SLC30A6: variants seen among roughly 807,000 people sequenced by gnomAD.
SLC30A6 encodes the protein zinc transporter 6.
A neutral mutation model predicts 63.0 loss-of-function variants in SLC30A6; 55 were observed. The ratio of observed to expected loss-of-function variants is 0.87; its 90% CI spans 0.70 to 1.09. SLC30A6 has a LOEUF of 1.09. Among genes scored for constraint, SLC30A6 ranks in the 50% least tolerant of loss-of-function variants. SLC30A6 has a pLI of 0.00. For synonymous variants in SLC30A6, 224 were observed against 186.1 expected (o/e 1.20, Z -1.66); for missense variants, 587 against 549.2 (o/e 1.07, Z -0.69).
intron 4 of SLC30A6, among the ~76,000 whole-genome samples, chr2:32,178,338 A>C (rs1355055968): frequency 6.6e-6 from 1 of 152,020 alleles, no homozygotes; most frequent in Non-Finnish European, 1.5e-5. Flanking sequence ...TTTGTTGAAA[A>C]GACTACTTTC....
At position 32,220,258 on chromosome 2, in the gene SLC30A6, A is replaced by G; in HGVS notation, c.931A>G (p.Met311Val). 6.2e-7 allele frequency: 1 copy of G among 1,614,160 alleles called. No individual in the cohort carries two copies. Among genetic ancestry groups the G allele is most frequent in the Non-Finnish European group, 8.5e-7 (1 of 1,180,002 alleles). ...AATTCGACGAGATGCCAATGAACAA[A>G]TGGTTCTTGCTCATGTGACCAACAG... The part of the protein sequence containing the change: ...VRIRRDANEQ[M>V]VLAHVTNRLY... Residue 311 changes from methionine to valine, a missense_variant, in exon 14 of 14, where the codon ATG (methionine) becomes GTG (valine). By Grantham distance (21) the Met-to-Val change is conservative. Transcript: ENST00000282587.
intron 5 of SLC30A6, among the ~76,000 whole-genome samples, chr2:32,190,187 G>T (rs533040842): frequency 6.6e-6 from 1 of 152,190 alleles, no homozygotes; most frequent in South Asian, 2.1e-4. Flanking sequence ...GGCCGGGCGC[G>T]GTGGCTCACG....
chr2:32,209,542 C>T lies in SLC30A6; in HGVS notation c.866C>T (p.Thr289Ile), dbSNP rs1243735120. ...VLEVRNEHFWTLGFGSLAGSV... is the reference protein window; with the variant it reads ...VLEVRNEHFWILGFGSLAGSV... ...GAAGTCCGAAATGAACATTTTTGGA[C>T]CCTAGGTTTTGGCTCATTGGTATGT... The change falls in exon 13 of 14, where the codon ACC (threonine) becomes ATC (isoleucine). Residue 289 changes from threonine to isoleucine, a missense_variant. Thr to Ile is a moderately conservative substitution (Grantham distance 89). Transcript: ENST00000282587. The T allele has an allele frequency of 1.2e-6, 2 of 1,612,472 alleles. No individual in the cohort carries two copies. Among genetic ancestry groups the T allele is most frequent in the East Asian group, 4.5e-5 (2 of 44,784 alleles).
chr2:32,201,888 CA>C, intron 10 of SLC30A6: 4 of 1,467,736 alleles, frequency 2.7e-6, no homozygotes. Context: ...TGGATGCTCC[CA>C]AGACCAAAAA....
At chr2:32,185,210 A>G (rs1682700736) in intron 5 of SLC30A6, among the ~76,000 whole-genome samples, 2 of 152,140 alleles carry the variant, frequency 1.3e-5, no homozygotes, top group Admixed American at 1.3e-4. Flanking sequence ...AAATGTTTTT[A>G]ATTAGCTGCA....
intron 1 of SLC30A6, among the ~76,000 whole-genome samples, chr2:32,168,482 G>A (rs1190715242): frequency 6.6e-6 from 1 of 150,892 alleles, no homozygotes; most frequent in East Asian, 1.9e-4. Flanking sequence ...AAGGAAAATA[G>A]CCCTTGTCAT....
At chr2:32,208,759 C>G (rs1429512141) in intron 12 of SLC30A6, among the ~76,000 whole-genome samples, 1 of 152,152 alleles carries the variant, frequency 6.6e-6, no homozygotes, top group Non-Finnish European at 1.5e-5. Context: ...AGTGATCTGC[C>G]TACCTCAGCC....
At position 32,221,967 on chromosome 2, in the gene SLC30A6, T is replaced by C. The variant is rs1401229780; in HGVS notation, c.*1254T>C. The C allele has an allele frequency of 6.6e-6, 1 of 152,162 alleles. No individual in the cohort carries two copies. The highest frequency in any genetic ancestry group is 1.5e-5 in the Non-Finnish European group (1 of 68,024). The allele number at this position is 152,162 out of a possible 1,614,324, so 9.4% of individuals were successfully genotyped here. ...ATGGAGTTCCATACATAATATGGAA[T>C]TTGATGTCTTTTCAAGTTGCACAAA... is the stretch of plus-strand genomic sequence containing the variant. On this transcript the variant is annotated 3_prime_UTR_variant, in exon 14 of 14. Coordinates refer to ENST00000282587, the MANE Select transcript of SLC30A6 (RefSeq NM_017964.5).
Position 32,222,402 on chromosome 2 carries a change from T to C in SLC30A6, c.*1689T>C, listed in dbSNP as rs115969447. On this transcript the variant is annotated 3_prime_UTR_variant, in exon 14 of 14. Coordinates refer to ENST00000282587, the MANE Select transcript of SLC30A6 (RefSeq NM_017964.5). Reference sequence around the variant, plus strand: ...AGCTATCTAGAGAAGATTTTTGTTTTTCTTTTGCAACAGTTTCTTCAGTCA... The same window carrying C: ...AGCTATCTAGAGAAGATTTTTGTTTCTCTTTTGCAACAGTTTCTTCAGTCA... 297 of 152,322 alleles carry C rather than the reference T, an allele frequency of 1.9e-3. No homozygotes were observed. Among genetic ancestry groups the C allele is most frequent in the African/African-American group, 6.9e-3 (286 of 41,574 alleles). 9.4% of individuals were successfully genotyped at this position (152,322 alleles called of 1,614,324 possible). A position where few individuals can be genotyped will look rare whatever the true frequency, so the allele number is the denominator to read the frequency against.
intron 10 of SLC30A6, chr2:32,202,872 G>T (rs2148878788): frequency 1.1e-6 from 1 of 924,598 alleles, no homozygotes; most frequent in Middle Eastern, 3.2e-4. Context: ...GACTCAAAAG[G>T]CTGCAGCTTC....
At chr2:32,213,608 GT>G (rs1263803750) in intron 13 of SLC30A6, among the ~76,000 whole-genome samples, 2 of 151,886 alleles carry the variant, frequency 1.3e-5, no homozygotes, top group Admixed American at 1.3e-4. Flanking sequence ...TACTTTCTTT[GT>G]TTTAATGGAA....
In SLC30A6 at chr2:32,203,848, A is replaced by C. The variant is rs567402705; in HGVS notation, c.666-742A>C. On this transcript the variant is annotated intron_variant, in intron 10 of 13. Transcript: ENST00000282587. The stretch of plus-strand genomic sequence containing the variant: ...TTCCAGACAGAGGAGTGGTTGGTCA[A>C]GTGGCCAGTCGGGCCGATCAGGTGG... 358 of 1,326,148 alleles carry C rather than the reference A, an allele frequency of 2.7e-4. 2 individuals carry two copies. The African/African-American group carries it at 3.0e-3, about 11-fold the overall frequency. 82.1% of individuals were successfully genotyped at this position (1,326,148 alleles called of 1,614,324 possible).
rs538039640 is a variant in SLC30A6, at chr2:32,214,421, ATT to A, written c.885+4861_885+4862del. 3.3e-4 allele frequency: 50 copies of A among 152,034 alleles called. No individual in the cohort carries two copies. The South Asian group carries it at 6.2e-3, about 19-fold the overall frequency. 9.4% of individuals were successfully genotyped at this position (152,034 alleles called of 1,614,324 possible). On this transcript the variant is annotated intron_variant, in intron 13 of 13. Coordinates refer to ENST00000282587, the MANE Select transcript of SLC30A6 (RefSeq NM_017964.5). ...TTGAGTCTTATGTTCATTTTTAACCATTCTTTCCTTTATTTTTTTAATTAATT... is the reference window on the plus strand; with the variant it reads ...TTGAGTCTTATGTTCATTTTTAACCACTTTCCTTTATTTTTTTAATTAATT...
intron 4 of SLC30A6, among the ~76,000 whole-genome samples, chr2:32,183,932 T>C (rs1473034865): frequency 6.6e-6 from 1 of 152,200 alleles, no homozygotes; most frequent in Non-Finnish European, 1.5e-5. Flanking sequence ...TATGTGTCAT[T>C]TTTTAGCATT....
At chr2:32,168,125 A>C (rs1005013413) in intron 1 of SLC30A6, among the ~76,000 whole-genome samples, 3 of 152,182 alleles carry the variant, frequency 2.0e-5, no homozygotes, top group African/African-American at 7.2e-5. Flanking sequence ...AACAGTATTT[A>C]AGGTTTATTT....
intron 12 of SLC30A6, 145 bp downstream of exon 12, chr2:32,207,078 T>A (rs1684836250): frequency 1.6e-6 from 1 of 620,076 alleles, no homozygotes; most frequent in African/African-American, 1.9e-5. Context: ...GGAGCCATAA[T>A]ATAGTGGCAA....
rs142905530 is a variant in SLC30A6, at chr2:32,220,332, C to G, written c.1005C>G (p.Asp335Glu). 7 of 1,614,046 alleles carry G rather than the reference C, an allele frequency of 4.3e-6. No homozygotes were observed. The highest frequency in any genetic ancestry group is 2.7e-5 in the African/African-American group (2 of 74,916). Reference sequence around the variant, plus strand: ...TAACTGTTCAAATTTTCAAGGATGACTGGATTAGGCCTGCCTTATTGTCTG... The same window carrying G: ...TAACTGTTCAAATTTTCAAGGATGAGTGGATTAGGCCTGCCTTATTGTCTG... ...STLTVQIFKD[D>E]WIRPALLSGP... is the part of the protein sequence containing the mutation. The change falls in exon 14 of 14, where the codon GAC (aspartate) becomes GAG (glutamate). Residue 335 changes from aspartate (D) to glutamate (E), a missense_variant. Transcript: ENST00000282587.
intron 5 of SLC30A6, among the ~76,000 whole-genome samples, chr2:32,185,756 G>T (rs552489179): frequency 6.6e-6 from 1 of 152,196 alleles, no homozygotes; most frequent in African/African-American, 2.4e-5. Context: ...TTCTCACTCT[G>T]TCACCCAGGC....
chr2:32,203,887 C>T (rs1360716263), intron 10 of SLC30A6: 29 of 974,356 alleles, frequency 3.0e-5, no homozygotes, highest in South Asian at 5.2e-5. Context: ...ATCTGGCAGC[C>T]GGTCAGTTAG....
Sources: gnomAD v4.1 joint callset for allele counts (sites outside exome capture counted in the v4.1 genomes callset) on GRCh38, gnomAD v4.1.1 for gene constraint, MANE v1.5 for transcripts, NCBI Gene and HGNC (gene_info 2026-07-23, HGNC 2026-07-21) for gene names.